The following GINM1 variants were observed in gnomAD, a reference collection of about 807,000 sequenced individuals.
GINM1 encodes the protein glycoprotein integral membrane protein 1.
A neutral mutation model predicts 37.8 loss-of-function variants in GINM1; 29 were observed. That is an observed-to-expected ratio of 0.77 (90% CI 0.57 to 1.05). The LOEUF is 1.05. Ranked by LOEUF, GINM1 falls within the 50% of genes least tolerant of loss-of-function variation. The pLI is 0.00. For synonymous variants in GINM1, 143 were observed against 146.2 expected, an observed-to-expected ratio of 0.98 and a Z score of 0.16; for missense variants, 377 against 397.9, an observed-to-expected ratio of 0.95 and a Z score of 0.45.
chr6:149,567,285 C>T (rs866347242), intron 1 of GINM1, among the ~76,000 whole-genome samples: 20 of 152,156 alleles, frequency 1.3e-4, no homozygotes, highest in Admixed American at 7.2e-4. Flanking sequence ...CTACCTAGGC[C>T]AGTATCAGCC....
rs79303909 is a variant in GINM1, at chr6:149,588,442, A to C, written c.882-2285A>C. Among the ~76,000 whole-genome samples, 575 of 152,316 alleles carry C rather than the reference A, an allele frequency of 3.8e-3. 6 individuals are homozygous for C. The highest frequency in any genetic ancestry group is 0.013 in the African/African-American group (554 of 41,574). ...GTTATACATATGTAATGCACATTGC[A>C]GATTTTTTTACTAATCCCAGCCTAT... On this transcript the variant is annotated intron_variant, in intron 7 of 7. Transcript: ENST00000367419.
At chr6:149,577,343 G>A (rs888876360) in intron 3 of GINM1, 2 of 152,422 alleles carry the variant, frequency 1.3e-5, no homozygotes, top group African/African-American at 2.4e-5. Flanking sequence ...GTTAAAACAC[G>A]GGGATGGACC....
intron 7 of GINM1, chr6:149,584,399 T>G: frequency 6.6e-6 from 1 of 152,244 alleles, no homozygotes; most frequent in East Asian, 1.9e-4. Flanking sequence ...AAAGAAGACC[T>G]AATTTGAACA....
chr6:149,583,792 T>G (rs968151852), intron 7 of GINM1, among the ~76,000 whole-genome samples: 10 of 152,144 alleles, frequency 6.6e-5, no homozygotes, highest in African/African-American at 1.9e-4. Context: ...GTATTATGTG[T>G]ATATAAATGC....
rs2115056033 is a variant in GINM1 at position 149,572,291 on chromosome 6, A to G, written c.127A>G (p.Ile43Val). 2 of 1,591,448 alleles carry G rather than the reference A, an allele frequency of 1.3e-6. No individual in the cohort carries two copies. The highest frequency in any genetic ancestry group is 1.7e-6 in the Non-Finnish European group (2 of 1,168,058). ...CACAATACTTGTTTTACAGGACGGC[A>G]TCAGAATTAATGTAACTACACTGAA... The part of the protein sequence containing the change: ...PPLSGAPQDG[I>V]RINVTTLKDD... Residue 43 changes from isoleucine (I) to valine (V), a missense_variant, in exon 2 of 8, where the codon ATC becomes GTC. Coordinates refer to ENST00000367419, the MANE Select transcript of GINM1 (RefSeq NM_138785.5).
At chr6:149,567,895 C>T (rs1289925735) in intron 1 of GINM1, among the ~76,000 whole-genome samples, 2 of 152,160 alleles carry the variant, frequency 1.3e-5, no homozygotes, top group East Asian at 3.8e-4. Flanking sequence ...TCTGGAAATA[C>T]GGACATTATT....
intron 1 of GINM1, among the ~76,000 whole-genome samples, chr6:149,568,584 G>A (rs1258728118): frequency 6.6e-6 from 1 of 152,234 alleles, no homozygotes; most frequent in Non-Finnish European, 1.5e-5. Flanking sequence ...AATGTAAATA[G>A]TCACAAGTGA....
intron 3 of GINM1, among the ~76,000 whole-genome samples, chr6:149,575,001 CT>C (rs764608583): frequency 1.3e-5 from 2 of 152,262 alleles, no homozygotes; most frequent in Admixed American, 6.5e-5. Flanking sequence ...TATTTTAACT[CT>C]TTGTGTTCTT....
chr6:149,573,113 A>G (rs1777856336), intron 3 of GINM1, among the ~76,000 whole-genome samples: 1 of 152,156 alleles, frequency 6.6e-6, no homozygotes, highest in Non-Finnish European at 1.5e-5. Flanking sequence ...ACGAGAGGTC[A>G]GGAGTTTGAG....
rs1204019491 is a variant in GINM1 at position 149,591,576 on chromosome 6, TAC to T, written c.*740_*741del. The T allele has an allele frequency of 2.0e-5, 3 of 152,210 alleles. No homozygotes were observed. Among genetic ancestry groups the T allele is most frequent in the Admixed American group, 1.3e-4 (2 of 15,274 alleles). 9.4% of individuals were successfully genotyped at this position (152,210 alleles called of 1,614,324 possible). A position where few individuals can be genotyped will look rare whatever the true frequency, so the allele number is the denominator to read the frequency against. On this transcript the variant is annotated 3_prime_UTR_variant, in exon 8 of 8. Coordinates refer to ENST00000367419, the MANE Select transcript of GINM1 (RefSeq NM_138785.5). ...ACTTAACACTTATTTTTTTATTCAG[TAC>T]AGTGTGCCTTTATATTAAGTATGTG...
chr6:149,578,480 G>A lies in GINM1; in HGVS notation c.278-342G>A, dbSNP rs1254580354. ...GGCAAAGGTTGCAGTGAGCCAAGGTGGCACCACTGCACTCCAGCCTGGGCG... is the reference window on the plus strand; with the variant it reads ...GGCAAAGGTTGCAGTGAGCCAAGGTAGCACCACTGCACTCCAGCCTGGGCG... On this transcript the variant is annotated intron_variant, in intron 3 of 7. Transcript: ENST00000367419. Among the ~76,000 whole-genome samples, 4 of 146,176 alleles carry A rather than the reference G, an allele frequency of 2.7e-5. No individual in the cohort carries two copies. In the East Asian group the frequency reaches 8.2e-4, roughly 30 times the overall value.
chr6:149,582,198 G>A (rs192225375), intron 6 of GINM1: 16 of 570,630 alleles, frequency 2.8e-5, no homozygotes, highest in Middle Eastern at 3.4e-4. Context: ...TAACATTTTT[G>A]TGCTTGTATT....
intron 3 of GINM1, among the ~76,000 whole-genome samples, chr6:149,574,874 T>A (rs945157792): frequency 6.6e-5 from 10 of 152,152 alleles, no homozygotes; most frequent in Admixed American, 6.5e-5. Context: ...TCTCAAAAAA[T>A]GAATTTAAAA....
At position 149,566,684 on chromosome 6, in the gene GINM1, A is replaced by C; in HGVS notation, c.120+150A>C. On this transcript the variant is annotated intron_variant, in intron 1 of 7. Transcript: ENST00000367419. This position sits in a 1 kb window ranked among gnomAD's most constrained non-coding sequence, Gnocchi z 4.4. ...AGGTGTGGGGAGAAGCACCCCAGGA[A>C]ATGGGGGCGGCGTGGGAGGCCGAGG... 2 of 1,112,388 alleles carry C rather than the reference A, an allele frequency of 1.8e-6. No homozygotes were observed. Among genetic ancestry groups the C allele is most frequent in the Non-Finnish European group, 1.2e-6 (1 of 836,030 alleles). 68.9% of individuals were successfully genotyped at this position (1,112,388 alleles called of 1,614,324 possible). A position where few individuals can be genotyped will look rare whatever the true frequency, so the allele number is the denominator to read the frequency against.
chr6:149,588,716 C>G (rs938800935), intron 7 of GINM1, among the ~76,000 whole-genome samples: 2 of 151,912 alleles, frequency 1.3e-5, no homozygotes, highest in Non-Finnish European at 2.9e-5. Flanking sequence ...AGCCTTGACC[C>G]TCCTGGGTTC....
At chr6:149,583,628 GA>G (rs112596826) in intron 7 of GINM1, among the ~76,000 whole-genome samples, 3,433 of 100,956 alleles carry the variant, frequency 0.034, 55 homozygotes, top group Admixed American at 0.075. Flanking sequence ...ACTCCCTCTC[GA>G]AAAAAAAAAA....
chr6:149,577,053 C>T (rs576218983), intron 3 of GINM1, among the ~76,000 whole-genome samples: 9 of 152,246 alleles, frequency 5.9e-5, no homozygotes, highest in South Asian at 2.1e-4. Context: ...AGTGGGGTGC[C>T]GTAACCCCAA....
In GINM1 at chr6:149,591,385, AAG is replaced by A. The variant is rs1314130587; in HGVS notation, c.*551_*552del. On this transcript the variant is annotated 3_prime_UTR_variant, in exon 8 of 8. Transcript: ENST00000367419. ...CTTAAAGTGGAAGAGAACACATGTGAAGAGACTTTGAAATTATCAAAAGAAAA... is the reference window on the plus strand; with the variant it reads ...CTTAAAGTGGAAGAGAACACATGTGAAGACTTTGAAATTATCAAAAGAAAA... 1 of 152,136 alleles carries A rather than the reference AAG, an allele frequency of 6.6e-6. No homozygotes were observed. Among genetic ancestry groups the A allele is most frequent in the Non-Finnish European group, 1.5e-5 (1 of 68,026 alleles). The allele number at this position is 152,136 out of a possible 1,614,324, so 9.4% of individuals were successfully genotyped here.
chr6:149,581,315 C>T (rs1562272572), intron 6 of GINM1, among the ~76,000 whole-genome samples: 1 of 152,114 alleles, frequency 6.6e-6, no homozygotes, highest in South Asian at 2.1e-4. Flanking sequence ...CACGCTACCA[C>T]GCCCAGCTAA....
Sources: allele counts gnomAD v4.1 joint callset (sites outside exome capture counted in the v4.1 genomes callset), GRCh38; gene constraint gnomAD v4.1.1; non-coding constraint Gnocchi (gnomAD v3.1); transcripts MANE v1.5; gene names NCBI Gene and HGNC (gene_info 2026-07-23, HGNC 2026-07-21).